P2RX1: variants seen among roughly 807,000 people sequenced by gnomAD.
P2RX1 encodes the protein purinergic receptor P2X 1.
A neutral mutation model predicts 50.3 loss-of-function variants in P2RX1; 42 were observed. The observed-to-expected ratio is 0.83, with a 90% CI of 0.65 to 1.08. The LOEUF (loss-of-function observed/expected upper bound fraction) is 1.08. Among genes scored for constraint, P2RX1 ranks in the 50% least tolerant of loss-of-function variants. P2RX1 has a pLI of 0.00. For synonymous variants in P2RX1, 199 were observed against 202.6 expected (o/e 0.98, Z 0.15); for missense variants, 449 against 529.0 (o/e 0.85, Z 1.48).
In P2RX1 at chr17:3,914,243, G is replaced by A. The variant is rs1010012198; in HGVS notation, c.137+1846C>T. ...ATCCTGGTTAGTCTCTTACTAAGCT[G>A]TGAGATCCTGGCTAATCCCTGTGGT... On this transcript the variant is annotated intron_variant, in intron 1 of 11. Transcript: ENST00000225538. This position sits in a 1 kb window ranked among gnomAD's most constrained non-coding sequence, Gnocchi z 4.1. Among the ~76,000 whole-genome samples the A allele has an allele frequency of 4.6e-5, 7 of 152,162 alleles. No individual in the cohort carries two copies. The highest frequency in any genetic ancestry group is 1.3e-4 in the Admixed American group (2 of 15,266).
At position 3,898,955 on chromosome 17, in the gene P2RX1, A is replaced by C. The variant is rs1483143307; in HGVS notation, c.945T>G (p.Phe315Leu). 6.2e-7 allele frequency: 1 copy of C among 1,613,884 alleles called. No individual in the cohort carries two copies. Among genetic ancestry groups the C allele is most frequent in the South Asian group, 1.1e-5 (1 of 91,078 alleles). Reference sequence around the variant, plus strand: ...TCACCTTGCCGTCCACCAGGATGTCAAAGCGAATCCCAAACACCTTGAAGA... The same window carrying C: ...TCACCTTGCCGTCCACCAGGATGTCCAAGCGAATCCCAAACACCTTGAAGA... ...RHLFKVFGIR[F>L]DILVDGKAGK... The change falls in exon 9 of 12, where the codon TTT (phenylalanine) becomes TTG (leucine). Residue 315 changes from phenylalanine (F) to leucine (L), a missense_variant. Physicochemically the swap from Phe to Leu is conservative, Grantham distance 22 (BLOSUM62 0). Coordinates refer to ENST00000225538, the MANE Select transcript of P2RX1 (RefSeq NM_002558.4).
chr17:3,901,180 G>T (rs910472163), intron 7 of P2RX1, among the ~76,000 whole-genome samples: 16 of 152,156 alleles, frequency 1.1e-4, no homozygotes, highest in African/African-American at 3.6e-4. Flanking sequence ...CGATTCTCCT[G>T]CCTCAGCCTC....
chr17:3,899,154 ATCCCAGGCCTCAT>A, intron 8 of P2RX1, 130 bp from the exon 9 acceptor site: 1 of 712,666 alleles, frequency 1.4e-6, no homozygotes, highest in Admixed American at 2.0e-5. Flanking sequence ...ACCGGGCAGG[ATCCCAGGCCTCAT>A]TCTGGGAAAG....
At chr17:3,901,941 C>G (rs1310631745) in intron 7 of P2RX1, among the ~76,000 whole-genome samples, 1 of 152,018 alleles carries the variant, frequency 6.6e-6, no homozygotes, top group Non-Finnish European at 1.5e-5. Flanking sequence ...CTCACACCCA[C>G]TGAAGTTAAG....
intron 1 of P2RX1, among the ~76,000 whole-genome samples, chr17:3,907,239 A>G (rs912941538): frequency 6.6e-6 from 1 of 151,494 alleles, no homozygotes; most frequent in Non-Finnish European, 1.5e-5. Context: ...ACTCCTCTCC[A>G]GGCTGTGGCC....
Position 3,899,625 on chromosome 17 carries a change from G to A in P2RX1, c.875+9C>T. The A allele has an allele frequency of 6.2e-7, 1 of 1,612,680 alleles. No homozygotes were observed. The highest frequency in any genetic ancestry group is 8.5e-7 in the Non-Finnish European group (1 of 1,179,076). On this transcript the variant is annotated intron_variant, in intron 8 of 11. Coordinates refer to ENST00000225538, the MANE Select transcript of P2RX1 (RefSeq NM_002558.4). ...AGGAAGAATGTGCTGCTGGGGGCCTGGCAGACACCTGAAGTTGAAGCCTGG... is the reference window on the plus strand; with the variant it reads ...AGGAAGAATGTGCTGCTGGGGGCCTAGCAGACACCTGAAGTTGAAGCCTGG...
At chr17:3,908,540 G>A (rs905033441) in intron 1 of P2RX1, among the ~76,000 whole-genome samples, 1 of 152,176 alleles carries the variant, frequency 6.6e-6, no homozygotes, top group African/African-American at 2.4e-5. Flanking sequence ...CAGCCTAGGC[G>A]ACAAGAGTGA....
At position 3,898,119 on chromosome 17, in the gene P2RX1, A is replaced by G. The variant is rs779022900; in HGVS notation, c.1033-9T>C. On this transcript the variant is annotated splice_polypyrimidine_tract_variant and intron_variant, in intron 10 of 11. Transcript: ENST00000225538. ...TCACAGAGAACTGTGGCCTGGGGTC[A>G]GGGAAGGGCACGGAGACAGCGTGGG... 6.2e-7 allele frequency: 1 copy of G among 1,612,138 alleles called. No individual in the cohort carries two copies. Among genetic ancestry groups the G allele is most frequent in the Non-Finnish European group, 8.5e-7 (1 of 1,178,650 alleles).
rs539659208 is a variant in P2RX1 at position 3,908,300 on chromosome 17, C to G, written c.138-2933G>C. Among the ~76,000 whole-genome samples the G allele has an allele frequency of 1.9e-3, 293 of 152,314 alleles. 2 individuals carry two copies. Among genetic ancestry groups the G allele is most frequent in the South Asian group, 0.016 (76 of 4,828 alleles). On this transcript the variant is annotated intron_variant, in intron 1 of 11. Transcript: ENST00000225538. ...TATGGGCTGGGCGCGGTGGCTCATGCCTGTAATCTCAGCACTTTGGGAGGC... is the reference window on the plus strand; with the variant it reads ...TATGGGCTGGGCGCGGTGGCTCATGGCTGTAATCTCAGCACTTTGGGAGGC...
intron 1 of P2RX1, among the ~76,000 whole-genome samples, chr17:3,911,939 C>T (rs1033827695): frequency 2.6e-5 from 4 of 152,194 alleles, no homozygotes; most frequent in African/African-American, 9.7e-5. Flanking sequence ...GACCCGACCC[C>T]GGCCAATAAG....
intron 2 of P2RX1, 51 bp from the exon 3 acceptor site, chr17:3,904,980 G>C (rs370666258): frequency 1.5e-6 from 2 of 1,290,726 alleles, no homozygotes; most frequent in South Asian, 2.5e-5. Flanking sequence ...GCTGGGAGAA[G>C]AGCCCCAAGG....
At chr17:3,902,603 G>T (rs2143990378) in intron 7 of P2RX1, among the ~76,000 whole-genome samples, 1 of 148,452 alleles carries the variant, frequency 6.7e-6, no homozygotes, top group South Asian at 2.1e-4. Flanking sequence ...GCCAATTTTT[G>T]TTTTTGTTTT....
intron 1 of P2RX1, among the ~76,000 whole-genome samples, chr17:3,911,908 TTGGTTC>T (rs2056371941): frequency 6.6e-6 from 1 of 152,136 alleles, no homozygotes; most frequent in Admixed American, 6.5e-5. Flanking sequence ...CAATGATTGA[TTGGTTC>T]TGGGGTGGGC....
intron 1 of P2RX1, among the ~76,000 whole-genome samples, chr17:3,908,933 G>A (rs868026310): frequency 2.6e-5 from 4 of 152,214 alleles, no homozygotes; most frequent in African/African-American, 9.7e-5. Flanking sequence ...CCTCAAAGGC[G>A]CTGCTTATTC....
intron 1 of P2RX1, among the ~76,000 whole-genome samples, chr17:3,911,399 G>GA (rs2056361079): frequency 6.6e-6 from 1 of 152,194 alleles, no homozygotes; most frequent in Non-Finnish European, 1.5e-5. Context: ...TGAGACGTCG[G>GA]AAGCTCTGGC....
intron 1 of P2RX1, among the ~76,000 whole-genome samples, chr17:3,907,152 C>T (rs1288751755): frequency 6.6e-6 from 1 of 152,188 alleles, no homozygotes; most frequent in African/African-American, 2.4e-5. Flanking sequence ...TTACGTAAAC[C>T]AATAAATGTC....
chr17:3,916,464 C>T lies in P2RX1; in HGVS notation c.-239G>A. 1.9e-6 allele frequency: 1 copy of T among 519,852 alleles called. No homozygotes were observed. Among genetic ancestry groups the T allele is most frequent in the South Asian group, 2.7e-5 (1 of 37,586 alleles). 32.2% of individuals were successfully genotyped at this position (519,852 alleles called of 1,614,324 possible). On this transcript the variant is annotated 5_prime_UTR_variant, in exon 1 of 12. Transcript: ENST00000225538. ...CTCTTGGCCCCTGGAAGGCAACAGACTGCAGGCCAGCCTCGCCCATGGACA... is the reference window on the plus strand; with the variant it reads ...CTCTTGGCCCCTGGAAGGCAACAGATTGCAGGCCAGCCTCGCCCATGGACA...
intron 10 of P2RX1, 130 bp from the exon 11 acceptor site, chr17:3,898,240 G>C (rs2056070118): frequency 2.4e-6 from 2 of 828,468 alleles, no homozygotes; most frequent in Non-Finnish European, 2.0e-6. Flanking sequence ...CAGTTTCCTG[G>C]AGGGTGGATG....
chr17:3,908,119 G>A (rs1426385720), intron 1 of P2RX1, among the ~76,000 whole-genome samples: 1 of 152,168 alleles, frequency 6.6e-6, no homozygotes, highest in Admixed American at 6.5e-5. Context: ...TGGCTTCGAC[G>A]TGTCTCCCAG....
Sources: allele counts gnomAD v4.1 joint callset (sites outside exome capture counted in the v4.1 genomes callset), GRCh38; gene constraint gnomAD v4.1.1; non-coding constraint Gnocchi (gnomAD v3.1); transcripts MANE v1.5; gene names NCBI Gene and HGNC (gene_info 2026-07-23, HGNC 2026-07-21).